Variants in CAPSL observed in about 807,000 individuals in gnomAD.
The protein encoded by CAPSL is calcyphosine like.
Under a neutral mutation model 21.3 loss-of-function variants are expected in CAPSL, and 17 were observed. That is an observed-to-expected ratio of 0.80 (90% CI 0.55 to 1.20). The LOEUF (loss-of-function observed/expected upper bound fraction) is 1.20, where lower values mean the gene tolerates loss of function less well. Among genes scored for constraint, CAPSL ranks in the 50% most tolerant of loss-of-function variants. The pLI is 0.00. For synonymous variants in CAPSL, 102 were observed against 89.3 expected (o/e 1.14, Z -0.80); for missense variants, 289 against 259.3 (o/e 1.11, Z -0.79).
intron 1 of CAPSL, among the ~76,000 whole-genome samples, chr5:35,928,272 C>G (rs566944980): frequency 6.6e-6 from 1 of 152,322 alleles, no homozygotes; most frequent in South Asian, 2.1e-4. Context: ...CCACTTAATA[C>G]TATTGTATTG....
At chr5:35,938,147 G>T (rs1390603187) in intron 1 of CAPSL, among the ~76,000 whole-genome samples, 1 of 152,192 alleles carries the variant, frequency 6.6e-6, no homozygotes, top group Admixed American at 6.5e-5. Context: ...TTATTGCTTT[G>T]TGACTTGGAA....
chr5:35,922,666 C>T (rs1394585913), intron 1 of CAPSL, among the ~76,000 whole-genome samples: 1 of 152,192 alleles, frequency 6.6e-6, no homozygotes, highest in Non-Finnish European at 1.5e-5. Flanking sequence ...CAGGCACACA[C>T]AAGGAGCATG....
At chr5:35,913,581 C>A (rs1034534763) in intron 2 of CAPSL, among the ~76,000 whole-genome samples, 7 of 152,282 alleles carry the variant, frequency 4.6e-5, no homozygotes, top group Admixed American at 3.3e-4. Context: ...GAATTTTCAA[C>A]ACAGAATTTC....
chr5:35,910,215 C>T (rs1166064323), intron 3 of CAPSL, 140 bp from the exon 4 acceptor site: 6 of 1,085,540 alleles, frequency 5.5e-6, no homozygotes, highest in African/African-American at 1.6e-5. Context: ...ACTACAATTG[C>T]TCCAAAAATT....
At chr5:35,926,450 C>A (rs1379186415) in intron 1 of CAPSL, among the ~76,000 whole-genome samples, 1 of 145,198 alleles carries the variant, frequency 6.9e-6, no homozygotes, top group Non-Finnish European at 1.5e-5. Flanking sequence ...GGTGCACAAC[C>A]AACTGCCACG....
chr5:35,909,686 G>A, intron 4 of CAPSL, 180 bp downstream of exon 4: 1 of 605,812 alleles, frequency 1.7e-6, no homozygotes, highest in East Asian at 2.8e-5. Flanking sequence ...TTCAACTAAA[G>A]TAACATGAAG....
At chr5:35,934,282 G>T (rs544746242) in intron 1 of CAPSL, among the ~76,000 whole-genome samples, 1 of 152,174 alleles carries the variant, frequency 6.6e-6, no homozygotes, top group African/African-American at 2.4e-5. Flanking sequence ...TACAGCAGAC[G>T]TTGGCCCTCT....
At chr5:35,924,016 A>C (rs1333907191) in intron 1 of CAPSL, among the ~76,000 whole-genome samples, 1 of 151,606 alleles carries the variant, frequency 6.6e-6, no homozygotes, top group Non-Finnish European at 1.5e-5. Flanking sequence ...TTATCTGTCA[A>C]TTTAAAAAAA....
chr5:35,909,785 C>A, intron 4 of CAPSL, 81 bp downstream of exon 4: 1 of 1,156,330 alleles, frequency 8.6e-7, no homozygotes. Context: ...AATGTGTTAA[C>A]ATTTTTAAGA....
intron 1 of CAPSL, among the ~76,000 whole-genome samples, chr5:35,935,572 C>A (rs553808334): frequency 2.6e-5 from 4 of 152,188 alleles, no homozygotes; most frequent in Non-Finnish European, 5.9e-5. Context: ...TAAGCTCAAG[C>A]AATCCTCCCA....
At chr5:35,915,600 C>A (rs530824615) in intron 2 of CAPSL, among the ~76,000 whole-genome samples, 2 of 152,154 alleles carry the variant, frequency 1.3e-5, no homozygotes, top group East Asian at 1.9e-4. Flanking sequence ...ACAGAACCAA[C>A]GACAAAAACC....
At chr5:35,928,913 T>C (rs1478917042) in intron 1 of CAPSL, among the ~76,000 whole-genome samples, 1 of 152,154 alleles carries the variant, frequency 6.6e-6, no homozygotes, top group Non-Finnish European at 1.5e-5. Context: ...TAGACTCTCT[T>C]GGTGTAGATG....
chr5:35,913,036 A>G (rs1738274532), intron 2 of CAPSL, among the ~76,000 whole-genome samples: 1 of 152,258 alleles, frequency 6.6e-6, no homozygotes, highest in Admixed American at 6.5e-5. Context: ...GCTGAAAACC[A>G]TGACAAGAGA....
chr5:35,927,568 A>G (rs1404930656), intron 1 of CAPSL, among the ~76,000 whole-genome samples: 1 of 152,156 alleles, frequency 6.6e-6, no homozygotes, highest in East Asian at 1.9e-4. Context: ...TCCAAGACAA[A>G]ACATTCCCTA....
chr5:35,917,104 C>T (rs1580886050), intron 2 of CAPSL, among the ~76,000 whole-genome samples: 1 of 152,148 alleles, frequency 6.6e-6, no homozygotes, highest in Non-Finnish European at 1.5e-5. Flanking sequence ...AGCCAAAAGA[C>T]ATATGAAAAA....
intron 2 of CAPSL, among the ~76,000 whole-genome samples, chr5:35,912,272 C>T (rs987782801): frequency 2.6e-5 from 4 of 152,190 alleles, no homozygotes; most frequent in African/African-American, 9.7e-5. Flanking sequence ...TCTGTAGACT[C>T]CACCTCTGGG....
chr5:35,907,675 C>G (rs996799649), intron 4 of CAPSL, among the ~76,000 whole-genome samples: 12 of 152,094 alleles, frequency 7.9e-5, no homozygotes, highest in Non-Finnish European at 1.8e-4. Flanking sequence ...GAGAGTTTAA[C>G]CTAGATTATC....
At chr5:35,923,221 G>A (rs1388373735) in intron 1 of CAPSL, among the ~76,000 whole-genome samples, 1 of 149,528 alleles carries the variant, frequency 6.7e-6, no homozygotes, top group Non-Finnish European at 1.5e-5. Flanking sequence ...ATCCATGACA[G>A]TAAGTGAGAA....
chr5:35,913,868 G>T, intron 2 of CAPSL, among the ~76,000 whole-genome samples: 1 of 152,088 alleles, frequency 6.6e-6, no homozygotes, highest in Non-Finnish European at 1.5e-5. Context: ...ATATTAACCT[G>T]AAATGTAAAT....
Sources: gnomAD v4.1 joint callset for allele counts (sites outside exome capture counted in the v4.1 genomes callset) on GRCh38, gnomAD v4.1.1 for gene constraint, MANE v1.5 for transcripts, NCBI Gene and HGNC (gene_info 2026-07-23, HGNC 2026-07-21) for gene names.